DNMT3A: variants seen among roughly 807,000 people sequenced by gnomAD.
DNMT3A encodes DNA methyltransferase 3 alpha, also known as DNA (cytosine-5)-methyltransferase 3A.
Under a neutral mutation model 117.6 loss-of-function variants are expected in DNMT3A, and 267 were observed. The ratio of observed to expected loss-of-function variants is 2.27; its 90% CI spans 2.05 to 2.51. The LOEUF (loss-of-function observed/expected upper bound fraction) is 2.51. Among genes scored for constraint, DNMT3A ranks in the 30% most tolerant of loss-of-function variants. DNMT3A has a pLI of 0.00. For missense variants in DNMT3A, 1,029 were observed against 1,260.2 expected (o/e 0.82, Z 2.78); for synonymous variants, 432 against 474.8 (o/e 0.91, Z 1.17).
Position 25,281,337 on chromosome 2 carries a change from A to C in DNMT3A, c.448+1104T>G, listed in dbSNP as rs2031874030. Reference sequence around the variant, plus strand: ...ATGAGGATAATCATATCTCTTGAATAAGATTGTTAGAGGAGTAAATAAAAC... The same window carrying C: ...ATGAGGATAATCATATCTCTTGAATCAGATTGTTAGAGGAGTAAATAAAAC... On this transcript the variant is annotated intron_variant, in intron 4 of 22. Coordinates refer to ENST00000321117, the MANE Select transcript of DNMT3A (RefSeq NM_022552.5). This position sits in a 1 kb window ranked among gnomAD's most constrained non-coding sequence, Gnocchi z 4.8. 1.4e-6 allele frequency: 1 copy of C among 693,606 alleles called. No individual in the cohort carries two copies. Among genetic ancestry groups the C allele is most frequent in the South Asian group, 6.6e-5 (1 of 15,064 alleles). 43.0% of individuals were successfully genotyped at this position (693,606 alleles called of 1,614,324 possible).
chr2:25,325,139 GC>G (rs2034737020), intron 1 of DNMT3A, among the ~76,000 whole-genome samples: 1 of 151,262 alleles, frequency 6.6e-6, no homozygotes, highest in Non-Finnish European at 1.5e-5. Flanking sequence ...CCAAAAGTGA[GC>G]GGGGGGGGGA....
chr2:25,275,564 A>T (rs760413781), intron 4 of DNMT3A, 21 bp from the exon 5 acceptor site: 1 of 1,561,914 alleles, frequency 6.4e-7, no homozygotes, highest in South Asian at 1.2e-5. Context: ...GGAAGAACAA[A>T]GGGACCAGTT....
intron 16 of DNMT3A, 50 bp downstream of exon 16, chr2:25,243,848 C>T (rs2149286486): frequency 6.5e-7 from 1 of 1,546,302 alleles, no homozygotes; most frequent in Non-Finnish European, 8.8e-7. Context: ...CACCTGGCTC[C>T]CCCATCCTGG....
intron 21 of DNMT3A, 104 bp from the exon 22 acceptor site, chr2:25,235,929 G>T: frequency 9.2e-7 from 1 of 1,084,174 alleles, no homozygotes; most frequent in Non-Finnish European, 1.4e-6. Context: ...CCCTGACAGG[G>T]CCTGGTCCAC....
Position 25,298,661 on chromosome 2 carries a change from C to A in DNMT3A, c.177+1478G>T, listed in dbSNP as rs533637370. Among the ~76,000 whole-genome samples, 9 of 152,294 alleles carry A rather than the reference C, an allele frequency of 5.9e-5. 1 individual carries two copies. In the South Asian group the frequency reaches 1.0e-3, roughly 18 times the overall value. ...GGTGCCCTGTGGGCAGAGGAGGGTG[C>A]AGGGGCCCTGGGAATCTGGAGTCTG... On this transcript the variant is annotated intron_variant, in intron 3 of 22. Coordinates refer to ENST00000321117, the MANE Select transcript of DNMT3A (RefSeq NM_022552.5). The surrounding 1 kb of genome is among the most constrained non-coding windows in gnomAD (Gnocchi z 4.3).
chr2:25,241,439 G>A (rs1674013172), intron 17 of DNMT3A, 123 bp downstream of exon 17: 2 of 1,328,244 alleles, frequency 1.5e-6, no homozygotes, highest in Non-Finnish European at 2.0e-6. Context: ...GAGAAAAAGA[G>A]GCTGGGGCAA....
chr2:25,331,429 C>T (rs1226926864), intron 1 of DNMT3A, among the ~76,000 whole-genome samples: 1 of 152,220 alleles, frequency 6.6e-6, no homozygotes. Context: ...CTGTCCCCAG[C>T]TTGTCCCTCC....
rs142745434 is a variant in DNMT3A, at chr2:25,306,508, G to C, written c.73-6265C>G. Among the ~76,000 whole-genome samples, 1 of 152,312 alleles carries C rather than the reference G, an allele frequency of 6.6e-6. No homozygotes were observed. Among genetic ancestry groups the C allele is most frequent in the East Asian group, 1.9e-4 (1 of 5,180 alleles). ...CATTGGCGCCTCTGAGTCCCCCACA[G>C]CTCCTGGGTACTTGCACACAGAGGT... On this transcript the variant is annotated intron_variant, in intron 2 of 22. Coordinates refer to ENST00000321117, the MANE Select transcript of DNMT3A (RefSeq NM_022552.5). This position sits in a 1 kb window ranked among gnomAD's most constrained non-coding sequence, Gnocchi z 4.1.
intron 14 of DNMT3A, 54 bp downstream of exon 14, chr2:25,244,486 G>A (rs1054135534): frequency 2.9e-5 from 46 of 1,598,784 alleles, no homozygotes; most frequent in Middle Eastern, 3.3e-4. Flanking sequence ...GGCGGTGGGC[G>A]GCGGGAGCCT....
chr2:25,307,855 C>T (rs1396916285), intron 2 of DNMT3A, among the ~76,000 whole-genome samples: 2 of 152,212 alleles, frequency 1.3e-5, no homozygotes, highest in African/African-American at 2.4e-5. Flanking sequence ...CCATCCCTAA[C>T]CCGGCCATTA....
Position 25,274,926 on chromosome 2 carries a change from C to T in DNMT3A, c.639+15G>A. 1 of 1,602,702 alleles carries T rather than the reference C, an allele frequency of 6.2e-7. No homozygotes were observed. Among genetic ancestry groups the T allele is most frequent in the Non-Finnish European group, 8.5e-7 (1 of 1,171,868 alleles). ...CTGCAGGACGGGCTGGGGCCCAGGC[C>T]AGAAGGCGCCTCACCTCCCTTTTCC... On this transcript the variant is annotated intron_variant, in intron 6 of 22. Coordinates refer to ENST00000321117, the MANE Select transcript of DNMT3A (RefSeq NM_022552.5).
At position 25,247,429 on chromosome 2, in the gene DNMT3A, C is replaced by T. The variant is rs920430484; in HGVS notation, c.1014+162G>A. The T allele has an allele frequency of 8.6e-7, 1 of 1,159,072 alleles. No homozygotes were observed. Among genetic ancestry groups the T allele is most frequent in the Non-Finnish European group, 1.2e-6 (1 of 834,104 alleles). 71.8% of individuals were successfully genotyped at this position (1,159,072 alleles called of 1,614,324 possible). A position where few individuals can be genotyped will look rare whatever the true frequency, so the allele number is the denominator to read the frequency against. ...CTAGCTCTCTGAGCCACAGGTGCAA[C>T]CTAATTATCCCTACAGCTTCTTCCA... On this transcript the variant is annotated intron_variant, in intron 8 of 22. Coordinates refer to ENST00000321117, the MANE Select transcript of DNMT3A (RefSeq NM_022552.5). This position sits in a 1 kb window ranked among gnomAD's most constrained non-coding sequence, Gnocchi z 5.6.
Position 25,236,284 on chromosome 2 carries a change from C to G in DNMT3A, c.2479-459G>C, listed in dbSNP as rs1673362400. Among the ~76,000 whole-genome samples, 1 of 152,178 alleles carries G rather than the reference C, an allele frequency of 6.6e-6. No individual in the cohort carries two copies. Among genetic ancestry groups the G allele is most frequent in the Non-Finnish European group, 1.5e-5 (1 of 68,030 alleles). The stretch of plus-strand genomic sequence containing the variant: ...TTCACCGTGTCGGCCAGGCTGGTCT[C>G]AAACTCCTGACCTCAGGTGATCCGC... On this transcript the variant is annotated intron_variant, in intron 21 of 22. Transcript: ENST00000321117. This position sits in a 1 kb window ranked among gnomAD's most constrained non-coding sequence, Gnocchi z 4.5.
rs777111690 is a variant in DNMT3A, at chr2:25,282,506, G to A, written c.383C>T (p.Ala128Val). 1.2e-6 allele frequency: 2 copies of A among 1,613,458 alleles called. No homozygotes were observed. The highest frequency in any genetic ancestry group is 1.3e-5 in the African/African-American group (1 of 75,054). ...GCAGCCATTTTCCACTGCTCTTGAGGCTTCAGGCAGGGTCTCAGCTGCACC... is the reference window on the plus strand; with the variant it reads ...GCAGCCATTTTCCACTGCTCTTGAGACTTCAGGCAGGGTCTCAGCTGCACC... ...GEGAAETLPEASRAVENGCCT... is the reference protein window; with the variant it reads ...GEGAAETLPEVSRAVENGCCT... The change falls in exon 4 of 23, where the codon GCC becomes GTC. Residue 128 changes from alanine to valine, a missense_variant. Transcript: ENST00000321117. The surrounding 1 kb of genome is among the most constrained non-coding windows in gnomAD (Gnocchi z 5.2).
At chr2:25,301,784 G>C (rs1229189377) in intron 2 of DNMT3A, among the ~76,000 whole-genome samples, 1 of 152,104 alleles carries the variant, frequency 6.6e-6, no homozygotes, top group Non-Finnish European at 1.5e-5. Flanking sequence ...ATGGCTTTTG[G>C]GCCCTCCCCA....
chr2:25,321,847 C>T (rs2034610060), intron 1 of DNMT3A, among the ~76,000 whole-genome samples: 1 of 152,190 alleles, frequency 6.6e-6, no homozygotes, highest in South Asian at 2.1e-4. Flanking sequence ...GATTGTGCCA[C>T]CACACTCCAG....
chr2:25,315,311 GTGCCCCAGCCCTGGC>G (rs1448080546), intron 1 of DNMT3A, among the ~76,000 whole-genome samples: 1 of 152,236 alleles, frequency 6.6e-6, no homozygotes, highest in African/African-American at 2.4e-5. Context: ...CTGGGAGTGG[GTGCCCCAGCCCTGGC>G]TGTGCCCCAG....
Position 25,311,913 on chromosome 2 carries a change from C to T in DNMT3A, c.72+2000G>A, listed in dbSNP as rs1463531076. ...TTCTCAGTCCTGAGCTATTATAATGCAGATCCTGACCTGCTCCCGTCCATT... is the reference window on the plus strand; with the variant it reads ...TTCTCAGTCCTGAGCTATTATAATGTAGATCCTGACCTGCTCCCGTCCATT... On this transcript the variant is annotated intron_variant, in intron 2 of 22. Transcript: ENST00000321117. The surrounding 1 kb of genome is among the most constrained non-coding windows in gnomAD (Gnocchi z 5.2). Among the ~76,000 whole-genome samples, 1 of 152,176 alleles carries T rather than the reference C, an allele frequency of 6.6e-6. No individual in the cohort carries two copies. Among genetic ancestry groups the T allele is most frequent in the African/African-American group, 2.4e-5 (1 of 41,454 alleles).
At chr2:25,284,645 TAAAAAAAAAAAAAAA>T (rs56901099) in intron 3 of DNMT3A, among the ~76,000 whole-genome samples, 6 of 16,646 alleles carry the variant, frequency 3.6e-4, no homozygotes, top group South Asian at 2.0e-3. Flanking sequence ...AGACTCCATC[TAAAAAAAAAAAAAAA>T]AAAAAAAAAA....
Sources: allele counts gnomAD v4.1 joint callset (sites outside exome capture counted in the v4.1 genomes callset), GRCh38; gene constraint gnomAD v4.1.1; non-coding constraint Gnocchi (gnomAD v3.1); transcripts MANE v1.5; gene names NCBI Gene and HGNC (gene_info 2026-07-23, HGNC 2026-07-21).